Variants in SLC24A2 observed in about 807,000 individuals in gnomAD.
The protein encoded by SLC24A2 is solute carrier family 24 member 2.
Under a neutral mutation model 62.0 loss-of-function variants are expected in SLC24A2, and 36 were observed. The observed-to-expected ratio is 0.58, with a 90% CI of 0.44 to 0.77. SLC24A2 has a LOEUF of 0.77. Ranked by LOEUF, SLC24A2 falls within the 30% of genes least tolerant of loss-of-function variation. SLC24A2 has a pLI of 0.00. For missense variants in SLC24A2, 846 were observed against 817.9 expected (o/e 1.03, Z -0.42); for synonymous variants, 358 against 294.0 (o/e 1.22, Z -2.23).
At chr9:19,657,192 T>C (rs1280503067) in intron 2 of SLC24A2, among the ~76,000 whole-genome samples, 1 of 152,162 alleles carries the variant, frequency 6.6e-6, no homozygotes, top group Non-Finnish European at 1.5e-5. Flanking sequence ...TGGAGAGTGG[T>C]GCATCTGTCG....
At chr9:19,949,995 G>A in the SLC24A2 span, among the ~76,000 whole-genome samples, 1 of 152,186 alleles carries the variant, frequency 6.6e-6, no homozygotes, top group Non-Finnish European at 1.5e-5. Context: ...CCACTGAATT[G>A]TATAATTCGC....
chr9:19,879,229 C>T, the SLC24A2 span, among the ~76,000 whole-genome samples: 1 of 152,110 alleles, frequency 6.6e-6, no homozygotes, highest in African/African-American at 2.4e-5. Flanking sequence ...AAACACAGGG[C>T]TGTGAGGCCA....
At chr9:20,111,244 A>G in the SLC24A2 span, among the ~76,000 whole-genome samples, 6 of 152,134 alleles carry the variant, frequency 3.9e-5, no homozygotes, top group Admixed American at 3.9e-4. Context: ...AGAGACATAT[A>G]TTCCTATCCC....
chr9:19,821,230 G>A, the SLC24A2 span, among the ~76,000 whole-genome samples: 1 of 152,138 alleles, frequency 6.6e-6, no homozygotes, highest in East Asian at 1.9e-4. Context: ...AATCTGAGGG[G>A]TAAAAATGGA....
chr9:19,818,925 TC>T, the SLC24A2 span, among the ~76,000 whole-genome samples: 4 of 152,156 alleles, frequency 2.6e-5, no homozygotes, highest in African/African-American at 9.7e-5. Flanking sequence ...TCTGGAGGCA[TC>T]ACACTACTTG....
chr9:20,086,818 A>T, the SLC24A2 span, among the ~76,000 whole-genome samples: 91 of 152,324 alleles, frequency 6.0e-4, no homozygotes, highest in African/African-American at 2.1e-3. Context: ...CTTCTCCCAG[A>T]GCATCTGGAA....
intron 2 of SLC24A2, among the ~76,000 whole-genome samples, chr9:19,738,111 T>A (rs562011651): frequency 6.9e-4 from 105 of 152,356 alleles, no homozygotes; most frequent in African/African-American, 2.4e-3. Flanking sequence ...GAGTCAATAC[T>A]ATACTTCATT....
chr9:19,693,564 T>C (rs1270609250), intron 2 of SLC24A2, among the ~76,000 whole-genome samples: 5 of 152,124 alleles, frequency 3.3e-5, no homozygotes, highest in African/African-American at 9.7e-5. Flanking sequence ...ATATCTTCAA[T>C]ATAAAGAGAT....
the SLC24A2 span, among the ~76,000 whole-genome samples, chr9:20,004,516 G>A: frequency 1.3e-5 from 2 of 152,192 alleles, no homozygotes; most frequent in Non-Finnish European, 2.9e-5. Flanking sequence ...ATAAATTTGT[G>A]TATGAGACTA....
chr9:20,031,539 G>A, the SLC24A2 span, among the ~76,000 whole-genome samples: 1 of 151,774 alleles, frequency 6.6e-6, no homozygotes, highest in South Asian at 2.1e-4. Context: ...TAAATTTAGT[G>A]GACCATAATT....
intron 2 of SLC24A2, among the ~76,000 whole-genome samples, chr9:19,667,089 G>C (rs1434932698): frequency 6.6e-6 from 1 of 151,978 alleles, no homozygotes; most frequent in African/African-American, 2.4e-5. Context: ...GAAGTAACTC[G>C]ATTTTCTGGA....
the SLC24A2 span, among the ~76,000 whole-genome samples, chr9:19,862,764 C>T: frequency 6.6e-6 from 1 of 151,918 alleles, no homozygotes; most frequent in African/African-American, 2.4e-5. Context: ...AAGTTGTTAT[C>T]AGCTTAAAAT....
intron 2 of SLC24A2, among the ~76,000 whole-genome samples, chr9:19,755,960 G>A (rs777168817): frequency 1.3e-5 from 2 of 152,156 alleles, no homozygotes; most frequent in Admixed American, 6.5e-5. Context: ...GTCATAATGA[G>A]CTTGGTTCAC....
chr9:19,894,290 C>G, the SLC24A2 span, among the ~76,000 whole-genome samples: 1 of 152,158 alleles, frequency 6.6e-6, no homozygotes, highest in East Asian at 1.9e-4. Flanking sequence ...TTCTGTGTGT[C>G]CTGAGGTGGC....
the SLC24A2 span, among the ~76,000 whole-genome samples, chr9:20,062,613 A>G: frequency 3.1e-4 from 44 of 142,366 alleles, no homozygotes; most frequent in African/African-American, 1.2e-3. Context: ...ACCAAAAGCA[A>G]TGGCAACAAA....
chr9:19,525,386 CTTTACTTTTTTT>C lies in SLC24A2; in HGVS notation c.1569+2651_1569+2662del, dbSNP rs1479230313. 6.0e-3 allele frequency among the ~76,000 whole-genome samples: 281 copies of C among 47,200 alleles called. 14 individuals are homozygous for C. The South Asian group carries it at 0.14, about 24-fold the overall frequency. The allele number at this position is 47,200 out of a possible 152,430, so 31.0% of individuals were successfully genotyped here. On this transcript the variant is annotated intron_variant, in intron 9 of 10. Transcript: ENST00000341998. ...TCTGCAAGGTTTTTTTTTCCTATTT[CTTTACTTTTTTT>C]TTTTTTTTTTTTTTTTTTTTTAAAA... is the stretch of plus-strand genomic sequence containing the variant.
the SLC24A2 span, among the ~76,000 whole-genome samples, chr9:19,991,987 A>G: frequency 6.6e-6 from 1 of 152,196 alleles, no homozygotes; most frequent in Non-Finnish European, 1.5e-5. Context: ...TAAGTCACCC[A>G]AGTTTTTAGA....
chr9:20,067,363 A>G, the SLC24A2 span, among the ~76,000 whole-genome samples: 1 of 152,232 alleles, frequency 6.6e-6, no homozygotes, highest in East Asian at 1.9e-4. Context: ...CTTGGTCTTC[A>G]TATTCTGTGG....
At chr9:19,902,562 A>T in the SLC24A2 span, among the ~76,000 whole-genome samples, 7 of 152,188 alleles carry the variant, frequency 4.6e-5, no homozygotes, top group African/African-American at 1.7e-4. Context: ...GTAAGCAGTT[A>T]AGTTTAGGTC....
Sources: allele counts gnomAD v4.1 joint callset (sites outside exome capture counted in the v4.1 genomes callset), GRCh38; gene constraint gnomAD v4.1.1; transcripts MANE v1.5; gene names NCBI Gene and HGNC (gene_info 2026-07-23, HGNC 2026-07-21).